LY86: variants seen among roughly 807,000 people sequenced by gnomAD.
LY86 encodes lymphocyte antigen 86.
LY86 carries 20 observed loss-of-function variants against 17.3 expected under a neutral mutation model. That is an observed-to-expected ratio of 1.15 (90% confidence interval 0.81 to 1.68). The LOEUF (loss-of-function observed/expected upper bound fraction) is 1.68. Among genes scored for constraint, LY86 ranks in the 40% most tolerant of loss-of-function variants. The pLI is 0.00. For missense variants in LY86, 200 were observed against 191.9 expected (o/e 1.04, Z -0.25); for synonymous variants, 74 against 70.6 (o/e 1.05, Z -0.24).
rs76723128 is a variant in LY86 at position 6,628,750 on chromosome 6, G to A, written c.352+2329G>A. Reference sequence around the variant, plus strand: ...GAAGGCATATTTCTTGCTCCTATCTGTCTCTGCTGACATGGCAAAGAGACC... The same window carrying A: ...GAAGGCATATTTCTTGCTCCTATCTATCTCTGCTGACATGGCAAAGAGACC... On this transcript the variant is annotated intron_variant, in intron 3 of 4. Transcript: ENST00000230568. Among the ~76,000 whole-genome samples, 111 of 152,312 alleles carry A rather than the reference G, an allele frequency of 7.3e-4. 1 individual carries two copies. In the East Asian group the frequency reaches 0.019, roughly 26 times the overall value.
At chr6:6,620,827 A>C (rs1488509600) in intron 1 of LY86, 2 of 152,280 alleles carry the variant, frequency 1.3e-5, no homozygotes, top group African/African-American at 4.8e-5. Context: ...ATTTTACTCC[A>C]TGAATGTCCA....
At chr6:6,606,376 T>TC (rs757229424) in intron 1 of LY86, among the ~76,000 whole-genome samples, 115 of 152,064 alleles carry the variant, frequency 7.6e-4, no homozygotes, top group African/African-American at 2.4e-3. Flanking sequence ...GTTCTCCAAG[T>TC]CCCCCCCAGA....
chr6:6,605,762 C>T (rs1395061561), intron 1 of LY86, among the ~76,000 whole-genome samples: 3 of 152,198 alleles, frequency 2.0e-5, no homozygotes, highest in Admixed American at 2.0e-4. Context: ...AGAACTTATT[C>T]TTTCTGATGC....
chr6:6,612,504 T>C (rs939761130), intron 1 of LY86, among the ~76,000 whole-genome samples: 5 of 142,416 alleles, frequency 3.5e-5, no homozygotes, highest in Admixed American at 2.1e-4. Flanking sequence ...CAAAAACACT[T>C]ACTGCAAAAA....
At chr6:6,608,453 G>A (rs1368412192) in intron 1 of LY86, among the ~76,000 whole-genome samples, 1 of 152,098 alleles carries the variant, frequency 6.6e-6, no homozygotes, top group Non-Finnish European at 1.5e-5. Flanking sequence ...AAAAATTTAG[G>A]TTGTTTCCAC....
intron 3 of LY86, among the ~76,000 whole-genome samples, chr6:6,646,613 G>C (rs1016333500): frequency 2.0e-5 from 3 of 152,088 alleles, no homozygotes; most frequent in African/African-American, 7.2e-5. Flanking sequence ...TATCCTGCCA[G>C]CTCACCAATT....
chr6:6,604,169 G>A (rs1462487034), intron 1 of LY86, among the ~76,000 whole-genome samples: 1 of 152,020 alleles, frequency 6.6e-6, no homozygotes, highest in Non-Finnish European at 1.5e-5. Flanking sequence ...ACATTTCACT[G>A]GGTCTCTAAA....
intron 1 of LY86, among the ~76,000 whole-genome samples, chr6:6,603,741 G>A (rs1334393041): frequency 6.6e-6 from 1 of 151,916 alleles, no homozygotes; most frequent in Non-Finnish European, 1.5e-5. Context: ...TAATGGCTGT[G>A]CATGAGTTTG....
At chr6:6,607,354 T>C (rs900639285) in intron 1 of LY86, among the ~76,000 whole-genome samples, 10 of 152,236 alleles carry the variant, frequency 6.6e-5, no homozygotes, top group African/African-American at 2.4e-4. Context: ...TATACATACT[T>C]ATATACCAAG....
rs779324556 is a variant in LY86, at chr6:6,603,591, C to CAAAAA, written c.136+14722_136+14726dup. Reference sequence around the variant, plus strand: ...GCCAAAACAAAGCCAAAGCCAAAAACAAAAACAGAAACAGAAAAAAAAACA... The same window carrying CAAAAA: ...GCCAAAACAAAGCCAAAGCCAAAAACAAAAAAAAAACAGAAACAGAAAAAAAAACA... On this transcript the variant is annotated intron_variant, in intron 1 of 4. Transcript: ENST00000230568. Among the ~76,000 whole-genome samples the CAAAAA allele has an allele frequency of 1.1e-3, 26 of 23,406 alleles. 1 individual carries two copies. Among genetic ancestry groups the CAAAAA allele is most frequent in the Non-Finnish European group, 2.0e-3 (13 of 6,380 alleles). The allele number at this position is 23,406 out of a possible 152,430, so 15.4% of individuals were successfully genotyped here.
At chr6:6,637,778 G>T (rs140168970) in intron 3 of LY86, among the ~76,000 whole-genome samples, 32 of 152,196 alleles carry the variant, frequency 2.1e-4, no homozygotes, top group African/African-American at 7.5e-4. Flanking sequence ...CTCTTTCCCA[G>T]GGTTGCCCAG....
At chr6:6,620,265 A>G (rs750422755) in intron 1 of LY86, among the ~76,000 whole-genome samples, 2 of 152,180 alleles carry the variant, frequency 1.3e-5, no homozygotes, top group Admixed American at 6.5e-5. Context: ...ATGGGGGATG[A>G]TGGGGAAAGA....
intron 3 of LY86, among the ~76,000 whole-genome samples, chr6:6,647,307 A>C (rs1581253156): frequency 6.6e-6 from 1 of 152,192 alleles, no homozygotes; most frequent in Admixed American, 6.5e-5. Context: ...TCTTTCTACA[A>C]GATTATTCCC....
chr6:6,654,561 G>T lies in LY86; in HGVS notation c.423G>T (p.Leu141Phe), dbSNP rs576494770. 2.4e-5 allele frequency: 38 copies of T among 1,613,996 alleles called. No homozygotes were observed. In the African/African-American group the frequency reaches 2.7e-4, roughly 11 times the overall value. ...FTIPQGEYQVLLELYTEKRST... is the reference protein window; with the variant it reads ...FTIPQGEYQVFLELYTEKRST... ...CCTTGCAGGGAGAATACCAGGTTTT[G>T]CTGGAACTGTACACTGAAAAACGGT... The change falls in exon 5 of 5, where the codon TTG becomes TTT. Residue 141 changes from leucine to phenylalanine, a missense_variant. Coordinates refer to ENST00000230568, the MANE Select transcript of LY86 (RefSeq NM_004271.4).
At chr6:6,599,161 A>G (rs1760819526) in intron 1 of LY86, among the ~76,000 whole-genome samples, 1 of 152,230 alleles carries the variant, frequency 6.6e-6, no homozygotes, top group Non-Finnish European at 1.5e-5. Flanking sequence ...ACTAAGAATG[A>G]GGCTCCGTGC....
rs776855605 is a variant in LY86, at chr6:6,626,322, C to G, written c.253C>G (p.Leu85Val). The G allele has an allele frequency of 6.2e-7, 1 of 1,613,856 alleles. No individual in the cohort carries two copies. Residue 85 changes from leucine (L) to valine (V), a missense_variant, in exon 3 of 5, where the codon CTA becomes GTA. By Grantham distance (32) the Leu-to-Val change is conservative (BLOSUM62 1). Transcript: ENST00000230568. ...GGACATCAAAGAGCTTTTTCTTGACCTAGCTCTCATGTCTCAAGGCTCATC... is the reference window on the plus strand; with the variant it reads ...GGACATCAAAGAGCTTTTTCTTGACGTAGCTCTCATGTCTCAAGGCTCATC... ...REDIKELFLD[L>V]ALMSQGSSVL...
At chr6:6,613,936 G>A (rs140729536) in intron 1 of LY86, among the ~76,000 whole-genome samples, 4 of 152,372 alleles carry the variant, frequency 2.6e-5, no homozygotes, top group Admixed American at 6.5e-5. Flanking sequence ...TTCAGAAATC[G>A]TGAAGGGACG....
At chr6:6,614,354 G>A (rs1173585059) in intron 1 of LY86, among the ~76,000 whole-genome samples, 1 of 150,658 alleles carries the variant, frequency 6.6e-6, no homozygotes, top group Non-Finnish European at 1.5e-5. Flanking sequence ...GACGCCAAAT[G>A]TCTTTTATTT....
In LY86 at chr6:6,615,347, C is replaced by T. The variant is rs553579830; in HGVS notation, c.137-9579C>T. ...GCATCCCAACCATGAGGTTATGTTCCACCAATCCTGTTTAATCTCAAGGGC... is the reference window on the plus strand; with the variant it reads ...GCATCCCAACCATGAGGTTATGTTCTACCAATCCTGTTTAATCTCAAGGGC... On this transcript the variant is annotated intron_variant, in intron 1 of 4. Transcript: ENST00000230568. Among the ~76,000 whole-genome samples, 11 of 152,320 alleles carry T rather than the reference C, an allele frequency of 7.2e-5. No individual in the cohort carries two copies. The South Asian group carries it at 1.0e-3, about 14-fold the overall frequency.
Sources: allele counts gnomAD v4.1 joint callset (sites outside exome capture counted in the v4.1 genomes callset), GRCh38; gene constraint gnomAD v4.1.1; transcripts MANE v1.5; gene names NCBI Gene and HGNC (gene_info 2026-07-23, HGNC 2026-07-21).